The following SAXO2 variants were observed in gnomAD, a reference collection of about 807,000 sequenced individuals.
SAXO2 encodes family with sequence similarity 154, member B.
A neutral mutation model predicts 18.7 loss-of-function variants in SAXO2; 17 were observed. The ratio of observed to expected loss-of-function variants is 0.91; its 90% confidence interval spans 0.62 to 1.36. The LOEUF is 1.36. Ranked by LOEUF, SAXO2 falls within the 40% of genes most tolerant of loss-of-function variation. SAXO2 has a pLI of 0.00. For missense variants in SAXO2, 486 were observed against 562.6 expected (o/e 0.86, Z 1.38); for synonymous variants, 163 against 181.2 (o/e 0.90, Z 0.81).
At chr15:82,267,038 A>G (rs773476263) in intron 2 of SAXO2, among the ~76,000 whole-genome samples, 6 of 152,182 alleles carry the variant, frequency 3.9e-5, no homozygotes, top group African/African-American at 7.2e-5. Flanking sequence ...TCAAGGTACA[A>G]TCTTAGTGTT....
intron 3 of SAXO2, among the ~76,000 whole-genome samples, chr15:82,280,129 CAG>C (rs1443198326): frequency 6.6e-6 from 1 of 152,040 alleles, no homozygotes; most frequent in Non-Finnish European, 1.5e-5. Flanking sequence ...TATTCCATAA[CAG>C]ATAATAAATA....
intron 3 of SAXO2, 127 bp downstream of exon 3, chr15:82,271,929 TTC>T (rs1459283025): frequency 1.3e-6 from 1 of 781,252 alleles, no homozygotes; most frequent in Admixed American, 3.0e-5. Context: ...GAAAGAACAT[TTC>T]TCTCTTTGGC....
chr15:82,266,513 G>A (rs1374119276), intron 2 of SAXO2, among the ~76,000 whole-genome samples: 1 of 152,120 alleles, frequency 6.6e-6, no homozygotes, highest in Non-Finnish European at 1.5e-5. Flanking sequence ...TTTCACTGTA[G>A]TGTCCTTTTC....
rs1306798194 is a variant in SAXO2, at chr15:82,262,896, T to C, written c.17T>C (p.Met6Thr). Residue 6 changes from methionine to threonine, a missense_variant, in exon 1 of 4, where the codon ATG becomes ACG. Coordinates refer to ENST00000682753, the MANE Select transcript of SAXO2 (RefSeq NM_001348699.2). The part of the protein sequence containing the change: MGAKS[M>T]RSWCLCQICS... ...GAGGAAAGCATGGGAGCCAAGAGTA[T>C]GAGGAGCTGGTGTCTGTGTCAGATT... is the stretch of plus-strand genomic sequence containing the variant. 1.2e-6 allele frequency: 2 copies of C among 1,602,642 alleles called. No homozygotes were observed. The highest frequency in any genetic ancestry group is 1.7e-5 in the Admixed American group (1 of 58,552).
intron 3 of SAXO2, among the ~76,000 whole-genome samples, chr15:82,281,894 G>A (rs1405216721): frequency 6.6e-6 from 1 of 151,902 alleles, no homozygotes; most frequent in East Asian, 1.9e-4. Context: ...ATCTGAAAGT[G>A]GAAAGTTACA....
intron 3 of SAXO2, among the ~76,000 whole-genome samples, chr15:82,278,289 C>T (rs1240765240): frequency 1.3e-5 from 2 of 152,198 alleles, no homozygotes; most frequent in Non-Finnish European, 2.9e-5. Context: ...AGCCCTGCTT[C>T]TGAGACCCAG....
At chr15:82,272,946 C>T (rs1459128234) in intron 3 of SAXO2, among the ~76,000 whole-genome samples, 5 of 151,672 alleles carry the variant, frequency 3.3e-5, no homozygotes, top group Admixed American at 2.6e-4. Flanking sequence ...CACTCTGTTG[C>T]CCAGGCTGGA....
In SAXO2 at chr15:82,269,903, A is replaced by G. The variant is rs188102577; in HGVS notation, c.234-1700A>G. ...ACTAGATAGGGGAGAGAATTGAGGT[A>G]TAAAGGGTGAGTCCTAGATTTCTGA... On this transcript the variant is annotated intron_variant, in intron 2 of 3. Transcript: ENST00000682753. Among the ~76,000 whole-genome samples the G allele has an allele frequency of 5.3e-5, 8 of 152,336 alleles. No homozygotes were observed. The East Asian group carries it at 1.3e-3, about 26-fold the overall frequency.
chr15:82,279,980 G>A (rs2071494315), intron 3 of SAXO2, among the ~76,000 whole-genome samples: 1 of 152,174 alleles, frequency 6.6e-6, no homozygotes, highest in African/African-American at 2.4e-5. Context: ...AAGGGCGATA[G>A]TGGAGCTGCC....
At position 82,283,072 on chromosome 15, in the gene SAXO2, T is replaced by C; in HGVS notation, c.*10T>C. ...AGTGAAGGCCTTCTAATAACCAAAA[T>C]GTGCTTAAAAGGAAGGTACTAGCAA... On this transcript the variant is annotated 3_prime_UTR_variant, in exon 4 of 4. Coordinates refer to ENST00000682753, the MANE Select transcript of SAXO2 (RefSeq NM_001348699.2). The C allele has an allele frequency of 6.4e-7, 1 of 1,570,644 alleles. No individual in the cohort carries two copies. The highest frequency in any genetic ancestry group is 2.3e-5 in the East Asian group (1 of 44,242).
chr15:82,271,579 A>T, intron 2 of SAXO2, 24 bp from the exon 3 acceptor site: 1 of 1,554,772 alleles, frequency 6.4e-7, no homozygotes. Context: ...TTGTGAGGCT[A>T]TGTTTCAAAT....
At position 82,283,500 on chromosome 15, in the gene SAXO2, G is replaced by C. The variant is rs1419374616; in HGVS notation, c.*438G>C. 1 of 155,318 alleles carries C rather than the reference G, an allele frequency of 6.4e-6. No individual in the cohort carries two copies. Among genetic ancestry groups the C allele is most frequent in the African/African-American group, 2.4e-5 (1 of 41,450 alleles). 9.6% of individuals were successfully genotyped at this position (155,318 alleles called of 1,614,324 possible). A position where few individuals can be genotyped will look rare whatever the true frequency, so the allele number is the denominator to read the frequency against. On this transcript the variant is annotated 3_prime_UTR_variant, in exon 4 of 4. Coordinates refer to ENST00000682753, the MANE Select transcript of SAXO2 (RefSeq NM_001348699.2). The stretch of plus-strand genomic sequence containing the variant: ...AAGGCAACAGGATTCATTATACTCA[G>C]ACTTCACGGCATCTACATAGCATCC...
At chr15:82,268,930 C>CT (rs762366049) in intron 2 of SAXO2, among the ~76,000 whole-genome samples, 1 of 152,196 alleles carries the variant, frequency 6.6e-6, no homozygotes, top group Non-Finnish European at 1.5e-5. Context: ...TTACTCTTTG[C>CT]TTTTCCCTTC....
At chr15:82,278,353 C>T (rs2075333692) in intron 3 of SAXO2, among the ~76,000 whole-genome samples, 1 of 152,214 alleles carries the variant, frequency 6.6e-6, no homozygotes. Context: ...GAGAAACCAC[C>T]ACACACCCGC....
intron 3 of SAXO2, among the ~76,000 whole-genome samples, chr15:82,275,241 C>T (rs7496227): frequency 0.22 from 24,365 of 111,970 alleles, 2,492 homozygotes; most frequent in Middle Eastern, 0.35. Flanking sequence ...AGATCAATAA[C>T]GAGTAAGGAA....
chr15:82,266,168 C>A (rs1412164273), intron 2 of SAXO2, among the ~76,000 whole-genome samples: 1 of 151,964 alleles, frequency 6.6e-6, no homozygotes, highest in Non-Finnish European at 1.5e-5. Flanking sequence ...ACAAAAAAAT[C>A]TCATAATGTT....
At chr15:82,279,411 C>T (rs2075343437) in intron 3 of SAXO2, among the ~76,000 whole-genome samples, 1 of 152,102 alleles carries the variant, frequency 6.6e-6, no homozygotes, top group African/African-American at 2.4e-5. Context: ...GCCTGAGATG[C>T]CAAATTCATA....
At chr15:82,277,942 T>A (rs2075329304) in intron 3 of SAXO2, among the ~76,000 whole-genome samples, 1 of 151,624 alleles carries the variant, frequency 6.6e-6, no homozygotes, top group Non-Finnish European at 1.5e-5. Context: ...TGAGAAAGAT[T>A]GGGAGAAAGG....
intron 3 of SAXO2, among the ~76,000 whole-genome samples, chr15:82,278,331 A>T (rs2075333500): frequency 6.6e-6 from 1 of 152,200 alleles, no homozygotes; most frequent in Non-Finnish European, 1.5e-5. Flanking sequence ...TTGAAGCTGG[A>T]CTGGGACAAC....
Sources: allele counts gnomAD v4.1 joint callset (sites outside exome capture counted in the v4.1 genomes callset), GRCh38; gene constraint gnomAD v4.1.1; transcripts MANE v1.5; gene names NCBI Gene and HGNC (gene_info 2026-07-23, HGNC 2026-07-21).